Variants in FARP1 observed in about 807,000 individuals in gnomAD.
The protein encoded by FARP1 is FERM, ARH/RhoGEF and pleckstrin domain protein 1.
In FARP1, 52 loss-of-function variants were observed where a neutral mutation model predicts 128.8. The observed-to-expected ratio is 0.40, with a 90% confidence interval of 0.32 to 0.51. The LOEUF (loss-of-function observed/expected upper bound fraction) is 0.51. Among genes scored for constraint, FARP1 ranks in the 20% least tolerant of loss-of-function variants. FARP1 has a pLI of 0.45. For missense variants in FARP1, 1,333 were observed against 1,367.9 expected (o/e 0.97, Z 0.40); for synonymous variants, 580 against 551.8 (o/e 1.05, Z -0.72).
intron 2 of FARP1, among the ~76,000 whole-genome samples, chr13:98,248,440 T>C (rs888136897): frequency 3.9e-5 from 6 of 152,142 alleles, no homozygotes; most frequent in African/African-American, 1.4e-4. Flanking sequence ...TATCCTTTTA[T>C]AGGATGGGAT....
chr13:98,231,983 A>T (rs1882140270), intron 2 of FARP1, among the ~76,000 whole-genome samples: 1 of 151,666 alleles, frequency 6.6e-6, no homozygotes, highest in African/African-American at 2.4e-5. Context: ...ACTCGTCACC[A>T]CGCCCAGCTA....
chr13:98,158,744 C>T (rs1876663958), intron 1 of FARP1, among the ~76,000 whole-genome samples: 1 of 152,162 alleles, frequency 6.6e-6, no homozygotes, highest in African/African-American at 2.4e-5. Context: ...TTAGCCAGGA[C>T]TGTAGGGGCT....
At chr13:98,336,786 G>A (rs986521196) in intron 2 of FARP1, among the ~76,000 whole-genome samples, 1 of 152,234 alleles carries the variant, frequency 6.6e-6, no homozygotes, top group Non-Finnish European at 1.5e-5. Flanking sequence ...AGAGCATGGA[G>A]CCAGCCAACT....
At position 98,176,876 on chromosome 13, in the gene FARP1, C is replaced by T. The variant is rs546946648; in HGVS notation, c.-24+33384C>T. On this transcript the variant is annotated intron_variant, in intron 1 of 26. Transcript: ENST00000319562. This position sits in a 1 kb window ranked among gnomAD's most constrained non-coding sequence, Gnocchi z 6.2. Reference sequence around the variant, plus strand: ...TTGAGGATGGTCGGCGTATGGTGCTCCTTCTCGGTGTCCTGCTCGAAGTCA... The same window carrying T: ...TTGAGGATGGTCGGCGTATGGTGCTTCTTCTCGGTGTCCTGCTCGAAGTCA... 1.8e-5 allele frequency: 29 copies of T among 1,607,842 alleles called. No homozygotes were observed. The highest frequency in any genetic ancestry group is 1.3e-4 in the Admixed American group (8 of 60,022).
chr13:98,414,113 A>G (rs1417830927), intron 16 of FARP1, among the ~76,000 whole-genome samples: 1 of 152,206 alleles, frequency 6.6e-6, no homozygotes, highest in Admixed American at 6.5e-5. Context: ...TGGATCTTCC[A>G]TGGCCATAAA....
At chr13:98,193,138 A>G (rs1307161883) in intron 1 of FARP1, among the ~76,000 whole-genome samples, 2 of 151,920 alleles carry the variant, frequency 1.3e-5, no homozygotes, top group East Asian at 3.9e-4. Flanking sequence ...GCTCACTGCA[A>G]CATCTGTCTC....
At chr13:98,368,272 A>G (rs813482) in intron 5 of FARP1, 77 bp downstream of exon 5, 29,157 of 1,031,414 alleles carry the variant, frequency 0.028, 1,762 homozygotes, top group African/African-American at 0.22. Context: ...TCAATTGATG[A>G]CACAAACATT....
intron 13 of FARP1, chr13:98,401,689 A>G (rs1018960035): frequency 6.8e-6 from 1 of 147,422 alleles, no homozygotes; most frequent in Non-Finnish European, 1.5e-5. Context: ...TAAACTGCAC[A>G]CCACTCCAAA....
Position 98,448,678 on chromosome 13 carries a change from GTTCT to G in FARP1, c.*368_*371del, listed in dbSNP as rs919871934. On this transcript the variant is annotated 3_prime_UTR_variant, in exon 27 of 27. Transcript: ENST00000319562. The stretch of plus-strand genomic sequence containing the variant: ...GCAAGTGTTTTTCTTCCTAAAAAAA[GTTCT>G]TTCTTTTATTATTTTCACCTATTGG... 2.6e-4 allele frequency: 48 copies of G among 184,574 alleles called. No individual in the cohort carries two copies. Among genetic ancestry groups the G allele is most frequent in the South Asian group, 6.2e-4 (4 of 6,480 alleles). 11.4% of individuals were successfully genotyped at this position (184,574 alleles called of 1,614,324 possible). A position where few individuals can be genotyped will look rare whatever the true frequency, so the allele number is the denominator to read the frequency against.
At chr13:98,404,616 A>G (rs1890907303) in intron 13 of FARP1, 1 of 152,186 alleles carries the variant, frequency 6.6e-6, no homozygotes. Flanking sequence ...TATATTTCCT[A>G]CTTGGGCCTT....
At chr13:98,438,951 AC>A (rs1256352029) in intron 20 of FARP1, 79 bp downstream of exon 20, 1 of 1,531,106 alleles carries the variant, frequency 6.5e-7, no homozygotes, top group East Asian at 2.3e-5. Flanking sequence ...GACCTCGGCC[AC>A]CCAAGTGAGG....
chr13:98,446,013 G>A, intron 24 of FARP1, 85 bp from the exon 25 acceptor site: 1 of 905,502 alleles, frequency 1.1e-6, no homozygotes, highest in Admixed American at 2.0e-5. Context: ...CCCCAGCCCA[G>A]GGCCCTGGTG....
chr13:98,447,181 C>CTT (rs1457819685), intron 26 of FARP1: 4 of 188,312 alleles, frequency 2.1e-5, no homozygotes, highest in Non-Finnish European at 3.3e-5. Flanking sequence ...AACAGTCAGG[C>CTT]CTAAGACTGT....
At chr13:98,174,441 G>A (rs1259844589) in intron 1 of FARP1, among the ~76,000 whole-genome samples, 1 of 152,086 alleles carries the variant, frequency 6.6e-6, no homozygotes, top group Non-Finnish European at 1.5e-5. Context: ...TTTCTGCTTC[G>A]GAGTGCCTGA....
At position 98,448,439 on chromosome 13, in the gene FARP1, G is replaced by A. The variant is rs1892999453; in HGVS notation, c.*122G>A. Reference sequence around the variant, plus strand: ...AAATCAAAAACATGGCTTCCCAGCAGCTCTCCTGTCTCCACAGCCGCGTTT... The same window carrying A: ...AAATCAAAAACATGGCTTCCCAGCAACTCTCCTGTCTCCACAGCCGCGTTT... On this transcript the variant is annotated 3_prime_UTR_variant, in exon 27 of 27. Coordinates refer to ENST00000319562, the MANE Select transcript of FARP1 (RefSeq NM_005766.4). 1 of 813,438 alleles carries A rather than the reference G, an allele frequency of 1.2e-6. No homozygotes were observed. Among genetic ancestry groups the A allele is most frequent in the African/African-American group, 1.7e-5 (1 of 59,254 alleles). 50.4% of individuals were successfully genotyped at this position (813,438 alleles called of 1,614,324 possible).
At chr13:98,217,973 T>G (rs1242431350) in intron 2 of FARP1, among the ~76,000 whole-genome samples, 1 of 152,060 alleles carries the variant, frequency 6.6e-6, no homozygotes, top group Non-Finnish European at 1.5e-5. Flanking sequence ...TTTCACAGCG[T>G]GAAGGTGGGG....
intron 3 of FARP1, among the ~76,000 whole-genome samples, chr13:98,352,978 C>G (rs5028836): frequency 0.68 from 103,886 of 152,010 alleles, 36,395 homozygotes; most frequent in Non-Finnish European, 0.79. Flanking sequence ...TTCACCACAT[C>G]GTGCATCTTT....
intron 2 of FARP1, among the ~76,000 whole-genome samples, chr13:98,232,355 G>A (rs1285162818): frequency 2.0e-5 from 3 of 152,178 alleles, no homozygotes; most frequent in African/African-American, 7.2e-5. Context: ...TGCTAGGAGT[G>A]TAGATTTCAT....
At chr13:98,151,660 C>CTTTTTGTTTTTT (rs1876010627) in intron 1 of FARP1, among the ~76,000 whole-genome samples, 1 of 69,224 alleles carries the variant, frequency 1.4e-5, no homozygotes. Context: ...TATCTTCCAT[C>CTTTTTGTTTTTT]TTTTTTTTTT....
Sources: allele counts gnomAD v4.1 joint callset (sites outside exome capture counted in the v4.1 genomes callset), GRCh38; gene constraint gnomAD v4.1.1; non-coding constraint Gnocchi (gnomAD v3.1); transcripts MANE v1.5; gene names NCBI Gene and HGNC (gene_info 2026-07-23, HGNC 2026-07-21).